FOXA1: variants seen among roughly 807,000 people sequenced by gnomAD.
FOXA1 encodes the protein forkhead box A1.
A neutral mutation model predicts 29.2 loss-of-function variants in FOXA1; 9 were observed. The ratio of observed to expected loss-of-function variants is 0.31; its 90% CI spans 0.19 to 0.54. FOXA1 has a LOEUF of 0.54. FOXA1 is among the 20% of genes least tolerant of loss of function. The pLI, the probability that FOXA1 is intolerant of heterozygous loss-of-function variation, is 0.95. For missense variants in FOXA1, 644 were observed against 681.2 expected (o/e 0.95, Z 0.61); for synonymous variants, 340 against 300.9 (o/e 1.13, Z -1.34).
chr14:37,592,074 T>C lies in FOXA1; in HGVS notation c.710A>G (p.Lys237Arg), dbSNP rs751424532. ...CGTCCAGTAGGAGCCCTTGCCCGGC[T>C]TGTCCGGGGAGCGTGCCACCTTGAC... is the stretch of plus-strand genomic sequence containing the variant. ...CFVKVARSPD[K>R]PGKGSYWTLH... The change falls in exon 2 of 2, where the codon AAG (lysine) becomes AGG (arginine). Residue 237 changes from lysine to arginine, a missense_variant. Physicochemically the swap from Lys to Arg is conservative, Grantham distance 26. Transcript: ENST00000250448. The C allele has an allele frequency of 1.9e-6, 3 of 1,610,802 alleles. No homozygotes were observed. The highest frequency in any genetic ancestry group is 2.5e-6 in the Non-Finnish European group (3 of 1,178,306).
rs529354784 is a variant in FOXA1 at position 37,591,653 on chromosome 14, G to A, written c.1131C>T (p.His377=). The change falls in exon 2 of 2, where the codon CAC becomes CAT. Residue 377 remains histidine (H), a synonymous_variant. Coordinates refer to ENST00000250448, the MANE Select transcript of FOXA1 (RefSeq NM_004496.5). ...GCTGGGACTCGTGGGGTGCCAAGCC[G>A]TGTGCCGGGTGAGAGGCGGGCACAG... is the stretch of plus-strand genomic sequence containing the variant. ...LASVPASHPA[H]GLAPHESQLH... The A allele has an allele frequency of 4.0e-5, 63 of 1,594,608 alleles. No homozygotes were observed. Among genetic ancestry groups the A allele is most frequent in the Non-Finnish European group, 5.1e-5 (60 of 1,170,234 alleles).
In FOXA1 at chr14:37,591,410, C is replaced by A; in HGVS notation, c.1374G>T (p.Ala458=). ...GTCTGGAATACACACCTTGGTAGTA[C>A]GCCGGCTCCAGGGCTGAGGGCTCGA... ...SPIEPSALEP[A]YYQGVYSRPV... Residue 458 remains alanine, a synonymous_variant, in exon 2 of 2, where the codon GCG becomes GCT. Coordinates refer to ENST00000250448, the MANE Select transcript of FOXA1 (RefSeq NM_004496.5). 1 of 1,614,052 alleles carries A rather than the reference C, an allele frequency of 6.2e-7. No homozygotes were observed. Among genetic ancestry groups the A allele is most frequent in the Admixed American group, 1.7e-5 (1 of 60,030 alleles).
chr14:37,594,710 G>A (rs2095600250), intron 1 of FOXA1, 191 bp downstream of exon 1: 2 of 273,906 alleles, frequency 7.3e-6, no homozygotes, highest in East Asian at 1.4e-4. Context: ...GGACAGAGCA[G>A]GGCAGCAGGT....
intron 1 of FOXA1, chr14:37,594,466 G>C (rs2095599794): frequency 2.5e-6 from 2 of 798,666 alleles, no homozygotes; most frequent in Non-Finnish European, 3.1e-6. Flanking sequence ...TGGCGGCAGA[G>C]CGCTTTAATC....
Position 37,591,205 on chromosome 14 carries a change from T to G in FOXA1, c.*160A>C, listed in dbSNP as rs771938444. ...ATACAATAATAAAGTAACAGTCTTT[T>G]GCACTGGGGGAAAGGTTGTGCATGA... On this transcript the variant is annotated 3_prime_UTR_variant, in exon 2 of 2. Coordinates refer to ENST00000250448, the MANE Select transcript of FOXA1 (RefSeq NM_004496.5). 2.2e-6 allele frequency: 2 copies of G among 905,024 alleles called. No homozygotes were observed. The highest frequency in any genetic ancestry group is 3.4e-6 in the Non-Finnish European group (2 of 585,636). The allele number at this position is 905,024 out of a possible 1,614,324, so 56.1% of individuals were successfully genotyped here. A position where few individuals can be genotyped will look rare whatever the true frequency, so the allele number is the denominator to read the frequency against.
rs1255365488 is a variant in FOXA1 at position 37,591,893 on chromosome 14, G to T, written c.891C>A (p.Pro297=). 6 of 1,460,706 alleles carry T rather than the reference G, an allele frequency of 4.1e-6. No individual in the cohort carries two copies. The highest frequency in any genetic ancestry group is 9.0e-7 in the Non-Finnish European group (1 of 1,112,360). 90.5% of individuals were successfully genotyped at this position (1,460,706 alleles called of 1,614,324 possible). Residue 297 remains proline, a synonymous_variant, in exon 2 of 2, where the codon CCC becomes CCA. Transcript: ENST00000250448. ...AKGGPESRKD[P]SGASNPSADS... Reference sequence around the variant, plus strand: ...CGGCGCTGGGGTTAGAGGCGCCAGAGGGGTCCTTGCGGCTCTCAGGGCCGC... The same window carrying T: ...CGGCGCTGGGGTTAGAGGCGCCAGATGGGTCCTTGCGGCTCTCAGGGCCGC...
chr14:37,591,061 A>T lies in FOXA1; in HGVS notation c.*304T>A. 2.1e-6 allele frequency: 1 copy of T among 470,138 alleles called. No individual in the cohort carries two copies. The highest frequency in any genetic ancestry group is 3.8e-5 in the East Asian group (1 of 26,650). 29.1% of individuals were successfully genotyped at this position (470,138 alleles called of 1,614,324 possible). On this transcript the variant is annotated 3_prime_UTR_variant, in exon 2 of 2. Transcript: ENST00000250448. ...AATGTCTGGAGGGGAAAGAGGGAAGAAAGAGAGGGGGGCAAGGAAGGAGGA... is the reference window on the plus strand; with the variant it reads ...AATGTCTGGAGGGGAAAGAGGGAAGTAAGAGAGGGGGGCAAGGAAGGAGGA...
At position 37,590,044 on chromosome 14, in the gene FOXA1, C is replaced by T. The variant is rs972160017; in HGVS notation, c.*1321G>A. The T allele has an allele frequency of 4.7e-5, 11 of 231,900 alleles. No individual in the cohort carries two copies. The highest frequency in any genetic ancestry group is 8.8e-5 in the African/African-American group (4 of 45,286). The allele number at this position is 231,900 out of a possible 1,614,324, so 14.4% of individuals were successfully genotyped here. On this transcript the variant is annotated 3_prime_UTR_variant, in exon 2 of 2. Transcript: ENST00000250448. The stretch of plus-strand genomic sequence containing the variant: ...TGCAAATGATCAAGAACATTTTCCA[C>T]GGCTTAAAATCTGGTATTATTTTTG...
rs1468450437 is a variant in FOXA1, at chr14:37,590,602, T to C, written c.*763A>G. The C allele has an allele frequency of 1.3e-4, 29 of 227,334 alleles. No individual in the cohort carries two copies. The Admixed American group carries it at 1.6e-3, about 12-fold the overall frequency. The allele number at this position is 227,334 out of a possible 1,614,324, so 14.1% of individuals were successfully genotyped here. ...AAAGGGGTTGGGGTCCTTGTAACTT[T>C]CGGTCAAGCAACTCTTGAGAATGTA... On this transcript the variant is annotated 3_prime_UTR_variant, in exon 2 of 2. Transcript: ENST00000250448.
chr14:37,591,918 C>T lies in FOXA1; in HGVS notation c.866G>A (p.Gly289Asp), dbSNP rs2139181302. ...GSGSGGSGAKGGPESRKDPSG... is the reference protein window; with the variant it reads ...GSGSGGSGAKDGPESRKDPSG... ...GGGGTCCTTGCGGCTCTCAGGGCCG[C>T]CCTTGGCGCCGCTGCCCCCGCTTCC... is the stretch of plus-strand genomic sequence containing the variant. Residue 289 changes from glycine to aspartate, a missense_variant, in exon 2 of 2, where the codon GGC (glycine) becomes GAC (aspartate). By Grantham distance (94) the Gly-to-Asp change is moderately conservative. Around this residue, in one of 5 missense-constraint regions of FOXA1, gnomAD observed 295 missense variants for 294.4 expected, o/e 1.00. Coordinates refer to ENST00000250448, the MANE Select transcript of FOXA1 (RefSeq NM_004496.5). The T allele has an allele frequency of 1.3e-6, 2 of 1,483,410 alleles. No individual in the cohort carries two copies. Among genetic ancestry groups the T allele is most frequent in the Non-Finnish European group, 1.8e-6 (2 of 1,121,080 alleles). The allele number at this position is 1,483,410 out of a possible 1,614,324, so 91.9% of individuals were successfully genotyped here. A position where few individuals can be genotyped will look rare whatever the true frequency, so the allele number is the denominator to read the frequency against.
At position 37,592,355 on chromosome 14, in the gene FOXA1, G is replaced by A. The variant is rs2139183126; in HGVS notation, c.429C>T (p.Tyr143=). The change falls in exon 2 of 2, where the codon TAC becomes TAT. Residue 143 remains tyrosine (Y), a synonymous_variant. Coordinates refer to ENST00000250448, the MANE Select transcript of FOXA1 (RefSeq NM_004496.5). ...GGCTGCGGCCCAGGTTGGACGGCGC[G>A]TACGCCATGGGGCTCATGCACGGGT... The part of the protein sequence containing the change: ...AMNPCMSPMA[Y]APSNLGRSRA... The A allele has an allele frequency of 6.3e-7, 1 of 1,599,408 alleles. No individual in the cohort carries two copies. Among genetic ancestry groups the A allele is most frequent in the East Asian group, 2.2e-5 (1 of 44,714 alleles).
Position 37,592,080 on chromosome 14 carries a change from G to A in FOXA1, c.704C>T (p.Pro235Leu), listed in dbSNP as rs200059313. Residue 235 changes from proline (P) to leucine (L), a missense_variant, in exon 2 of 2, where the codon CCG (proline) becomes CTG (leucine). Coordinates refer to ENST00000250448, the MANE Select transcript of FOXA1 (RefSeq NM_004496.5). ...GTAGGAGCCCTTGCCCGGCTTGTCC[G>A]GGGAGCGTGCCACCTTGACGAAGCA... ...NDCFVKVARS[P>L]DKPGKGSYWT... The A allele has an allele frequency of 9.3e-6, 15 of 1,611,180 alleles. No individual in the cohort carries two copies. The African/African-American group carries it at 1.7e-4, about 19-fold the overall frequency.
chr14:37,593,103 G>C (rs1253465322), intron 1 of FOXA1, among the ~76,000 whole-genome samples: 3 of 152,200 alleles, frequency 2.0e-5, no homozygotes, highest in Non-Finnish European at 4.4e-5. Flanking sequence ...ATCGTTGATA[G>C]AGCAAATCAC....
chr14:37,594,762 G>A, intron 1 of FOXA1, 139 bp downstream of exon 1: 1 of 436,814 alleles, frequency 2.3e-6, no homozygotes, highest in Non-Finnish European at 3.4e-6. Context: ...GGGCCACACC[G>A]GCGGGCGGGC....
rs1019690230 is a variant in FOXA1 at position 37,592,620 on chromosome 14, G to T, written c.164C>A (p.Thr55Lys). 3.1e-6 allele frequency: 5 copies of T among 1,614,122 alleles called. No individual in the cohort carries two copies. Among genetic ancestry groups the T allele is most frequent in the Admixed American group, 1.7e-5 (1 of 60,010 alleles). The change falls in exon 2 of 2, where the codon ACG becomes AAG. Residue 55 changes from threonine to lysine, a missense_variant. Physicochemically the swap from Thr to Lys is moderately conservative, Grantham distance 78 (BLOSUM62 -1). Around this residue, in one of 5 missense-constraint regions of FOXA1, gnomAD observed 309 missense variants for 307.0 expected, o/e 1.01. Coordinates refer to ENST00000250448, the MANE Select transcript of FOXA1 (RefSeq NM_004496.5). ...GGACGCCGGGGTCATGTTGCCGCTC[G>T]TAGTCATGGTGTTCATGGTCATGTA... ...NTYMTMNTMT[T>K]SGNMTPASFN...
At position 37,590,966 on chromosome 14, in the gene FOXA1, C is replaced by T. The variant is rs1594975838; in HGVS notation, c.*399G>A. ...GGGTCAGGTAAGGAGGGGGAAAAAG[C>T]ACAAACAAATATTTTACAAACTTGA... On this transcript the variant is annotated 3_prime_UTR_variant, in exon 2 of 2. Coordinates refer to ENST00000250448, the MANE Select transcript of FOXA1 (RefSeq NM_004496.5). 7.6e-6 allele frequency: 3 copies of T among 396,314 alleles called. No homozygotes were observed. In the East Asian group the frequency reaches 1.3e-4, roughly 18 times the overall value. 24.5% of individuals were successfully genotyped at this position (396,314 alleles called of 1,614,324 possible). A position where few individuals can be genotyped will look rare whatever the true frequency, so the allele number is the denominator to read the frequency against.
In FOXA1 at chr14:37,591,328, G is replaced by A. The variant is rs181561875; in HGVS notation, c.*37C>T. On this transcript the variant is annotated 3_prime_UTR_variant, in exon 2 of 2. Coordinates refer to ENST00000250448, the MANE Select transcript of FOXA1 (RefSeq NM_004496.5). ...GTTGATTTTTTCTCTCTTGCTACCAGCATGGCTATGCCAGACAAACCCCCC... is the reference window on the plus strand; with the variant it reads ...GTTGATTTTTTCTCTCTTGCTACCAACATGGCTATGCCAGACAAACCCCCC... 317 of 1,609,230 alleles carry A rather than the reference G, an allele frequency of 2.0e-4. 1 individual carries two copies. The African/African-American group carries it at 3.9e-3, about 20-fold the overall frequency.
chr14:37,592,279 C>T lies in FOXA1; in HGVS notation c.505G>A (p.Ala169Thr), dbSNP rs2095596572. Reference protein sequence around the residue: ...AKTFKRSYPHAKPPYSYISLI... With the variant: ...AKTFKRSYPHTKPPYSYISLI... ...GAGATGTACGAGTAGGGCGGCTTGG[C>T]GTGCGGGTAGCTGCGCTTGAACGTC... Residue 169 changes from alanine (A) to threonine (T), a missense_variant, in exon 2 of 2, where the codon GCC (alanine) becomes ACC (threonine). Ala to Thr is a moderately conservative substitution (Grantham distance 58). Around this residue, in one of 5 missense-constraint regions of FOXA1, gnomAD observed 309 missense variants for 307.0 expected, o/e 1.01. Transcript: ENST00000250448. The T allele has an allele frequency of 2.5e-6, 4 of 1,613,138 alleles. No individual in the cohort carries two copies. The highest frequency in any genetic ancestry group is 3.4e-6 in the Non-Finnish European group (4 of 1,179,464).
chr14:37,590,758 T>C lies in FOXA1; in HGVS notation c.*607A>G, dbSNP rs2095594727. 1.2e-5 allele frequency: 3 copies of C among 242,118 alleles called. No individual in the cohort carries two copies. In the East Asian group the frequency reaches 1.8e-4, roughly 14 times the overall value. The allele number at this position is 242,118 out of a possible 1,614,324, so 15.0% of individuals were successfully genotyped here. A position where few individuals can be genotyped will look rare whatever the true frequency, so the allele number is the denominator to read the frequency against. ...ATTTCATTTAAAGACATCTGCTATC[T>C]GCATGTATCAGAAATGTAAACTGAG... is the stretch of plus-strand genomic sequence containing the variant. On this transcript the variant is annotated 3_prime_UTR_variant, in exon 2 of 2. Coordinates refer to ENST00000250448, the MANE Select transcript of FOXA1 (RefSeq NM_004496.5).
Sources: allele counts gnomAD v4.1 joint callset (sites outside exome capture counted in the v4.1 genomes callset), GRCh38; gene constraint gnomAD v4.1.1; regional missense constraint gnomAD v4.1.1; transcripts MANE v1.5; gene names NCBI Gene and HGNC (gene_info 2026-07-23, HGNC 2026-07-21).